Variants in KHDRBS3 observed in about 807,000 individuals in gnomAD.
KHDRBS3 encodes the protein KH RNA binding domain containing, signal transduction associated 3, also known as KH domain-containing, RNA-binding, signal transduction-associated protein 3.
Under a neutral mutation model 45.6 loss-of-function variants are expected in KHDRBS3, and 23 were observed. That is an observed-to-expected ratio of 0.50 (90% confidence interval 0.36 to 0.72). KHDRBS3 has a LOEUF of 0.72. KHDRBS3 is among the 30% of genes least tolerant of loss of function. The pLI is 0.00. For synonymous variants in KHDRBS3, 162 were observed against 156.5 expected (o/e 1.04, Z -0.26); for missense variants, 352 against 424.8 (o/e 0.83, Z 1.51).
chr8:135,524,477 G>A (rs922289018), intron 2 of KHDRBS3, among the ~76,000 whole-genome samples: 5 of 152,106 alleles, frequency 3.3e-5, no homozygotes, highest in South Asian at 4.1e-4. Flanking sequence ...ATCTGGGCCT[G>A]GAGTTTGATA....
chr8:135,507,134 T>C (rs1563729742), intron 1 of KHDRBS3, among the ~76,000 whole-genome samples: 2 of 152,234 alleles, frequency 1.3e-5, no homozygotes, highest in African/African-American at 2.4e-5. Context: ...CTATAATTAT[T>C]GGCAAATTCT....
chr8:135,633,536 A>G (rs1830690622), intron 7 of KHDRBS3, among the ~76,000 whole-genome samples: 1 of 152,188 alleles, frequency 6.6e-6, no homozygotes, highest in African/African-American at 2.4e-5. Context: ...ATGCCACAAT[A>G]AGGTTCAGAT....
chr8:135,528,513 A>C (rs1825308488), intron 2 of KHDRBS3, among the ~76,000 whole-genome samples: 1 of 152,134 alleles, frequency 6.6e-6, no homozygotes, highest in African/African-American at 2.4e-5. Flanking sequence ...TTTTCAGATA[A>C]TTTATGTGAA....
At chr8:135,591,770 G>C (rs1311012302) in intron 6 of KHDRBS3, among the ~76,000 whole-genome samples, 1 of 152,082 alleles carries the variant, frequency 6.6e-6, no homozygotes, top group Non-Finnish European at 1.5e-5. Flanking sequence ...TCACTTTTTT[G>C]AGAAAGCTAG....
intron 5 of KHDRBS3, among the ~76,000 whole-genome samples, chr8:135,566,208 G>A (rs11784924): frequency 0.8 from 121,092 of 152,088 alleles, 48,768 homozygotes; most frequent in East Asian, 0.96. Flanking sequence ...TAACTCCCTC[G>A]ATTGAGTTGT....
intron 1 of KHDRBS3, among the ~76,000 whole-genome samples, chr8:135,471,769 G>A (rs2130213857): frequency 6.6e-6 from 1 of 152,302 alleles, no homozygotes; most frequent in Middle Eastern, 3.4e-3. Context: ...CTCCCTGTCT[G>A]GCTTACAGTG....
At chr8:135,582,152 T>C in intron 6 of KHDRBS3, 79 bp downstream of exon 6, 1 of 1,326,068 alleles carries the variant, frequency 7.5e-7, no homozygotes, top group South Asian at 2.2e-5. Context: ...TGTACCCGCG[T>C]ACGCTTCCTC....
At chr8:135,573,813 C>A (rs1827821751) in intron 5 of KHDRBS3, among the ~76,000 whole-genome samples, 1 of 151,940 alleles carries the variant, frequency 6.6e-6, no homozygotes, top group Admixed American at 6.6e-5. Context: ...TTTTTCATAT[C>A]TGAGTTTCAA....
At chr8:135,624,048 A>C (rs1315493991) in intron 7 of KHDRBS3, among the ~76,000 whole-genome samples, 16 of 152,232 alleles carry the variant, frequency 1.1e-4, no homozygotes, top group Admixed American at 9.8e-4. Flanking sequence ...ACATTTAGCC[A>C]CACACTAATG....
chr8:135,608,169 A>C (rs1400841232), intron 7 of KHDRBS3, among the ~76,000 whole-genome samples: 1 of 152,214 alleles, frequency 6.6e-6, no homozygotes, highest in African/African-American at 2.4e-5. Context: ...CATTGTATAC[A>C]TGAAGAAAAG....
intron 1 of KHDRBS3, among the ~76,000 whole-genome samples, chr8:135,506,095 A>T (rs1586626805): frequency 6.6e-6 from 1 of 152,198 alleles, no homozygotes; most frequent in East Asian, 1.9e-4. Context: ...GTGGAAATGA[A>T]AGATGACTTC....
chr8:135,650,683 C>T (rs1831411162), downstream of KHDRBS3, among the ~76,000 whole-genome samples: 2 of 152,172 alleles, frequency 1.3e-5, no homozygotes, highest in African/African-American at 4.8e-5. Flanking sequence ...ATTACAGTGG[C>T]TCCTCCCTTA....
chr8:135,507,641 A>G (rs150518191), intron 1 of KHDRBS3, among the ~76,000 whole-genome samples: 35 of 152,306 alleles, frequency 2.3e-4, no homozygotes, highest in African/African-American at 8.2e-4. Context: ...GGAAACCCCC[A>G]GTGGGAATGT....
intron 5 of KHDRBS3, among the ~76,000 whole-genome samples, chr8:135,570,910 C>T (rs1336230367): frequency 1.3e-5 from 2 of 152,188 alleles, no homozygotes; most frequent in Non-Finnish European, 2.9e-5. Context: ...TAATGAGCAA[C>T]CACACTGGAG....
At chr8:135,563,082 A>G (rs974066723) in intron 5 of KHDRBS3, among the ~76,000 whole-genome samples, 2 of 152,144 alleles carry the variant, frequency 1.3e-5, no homozygotes, top group East Asian at 1.9e-4. Context: ...TTCAGTCACA[A>G]TGATTTTTTC....
At chr8:135,463,258 G>A (rs1286297681) in intron 1 of KHDRBS3, among the ~76,000 whole-genome samples, 1 of 152,110 alleles carries the variant, frequency 6.6e-6, no homozygotes, top group East Asian at 1.9e-4. Flanking sequence ...TCAGTGTTAC[G>A]TGTTAATTAT....
chr8:135,543,183 G>A (rs1428121178), intron 3 of KHDRBS3, among the ~76,000 whole-genome samples: 1 of 151,680 alleles, frequency 6.6e-6, no homozygotes, highest in African/African-American at 2.4e-5. Flanking sequence ...TCTTCTTTTT[G>A]TCTTTTATTT....
intron 4 of KHDRBS3, among the ~76,000 whole-genome samples, chr8:135,653,380 AACACTG>A (rs1263093951): frequency 6.6e-6 from 1 of 152,214 alleles, no homozygotes; most frequent in African/African-American, 2.4e-5. Context: ...TAATTCTTGA[AACACTG>A]ACACTGAGCA....
chr8:135,464,390 T>C (rs1195360887), intron 1 of KHDRBS3, among the ~76,000 whole-genome samples: 2 of 152,224 alleles, frequency 1.3e-5, no homozygotes, highest in Non-Finnish European at 2.9e-5. Flanking sequence ...ATATTCCATA[T>C]AGAAAGCCAG....
Sources: gnomAD v4.1 joint callset for allele counts (sites outside exome capture counted in the v4.1 genomes callset) on GRCh38, gnomAD v4.1.1 for gene constraint, MANE v1.5 for transcripts, NCBI Gene and HGNC (gene_info 2026-07-23, HGNC 2026-07-21) for gene names.